NEGR1: variants seen among roughly 807,000 people sequenced by gnomAD.
NEGR1 encodes neuronal growth regulator 1.
In NEGR1, 10 loss-of-function variants were observed where a neutral mutation model predicts 40.9. The ratio of observed to expected loss-of-function variants is 0.24; its 90% confidence interval spans 0.15 to 0.42. The LOEUF (loss-of-function observed/expected upper bound fraction) is 0.42, where lower values mean the gene tolerates loss of function less well. Ranked by LOEUF, NEGR1 falls within the 10% of genes least tolerant of loss-of-function variation. The pLI, the probability that NEGR1 is intolerant of heterozygous loss-of-function variation, is 1.00. For missense variants in NEGR1, 352 were observed against 438.9 expected (o/e 0.80, Z 1.77); for synonymous variants, 185 against 166.8 (o/e 1.11, Z -0.84).
chr1:71,554,649 C>T (rs796274771), intron 6 of NEGR1, among the ~76,000 whole-genome samples: 8 of 151,632 alleles, frequency 5.3e-5, no homozygotes, highest in African/African-American at 1.9e-4. Flanking sequence ...AGGATGTCTT[C>T]ACAGAACCTA....
chr1:71,968,982 C>T (rs1646233916), intron 1 of NEGR1, among the ~76,000 whole-genome samples: 3 of 152,066 alleles, frequency 2.0e-5, no homozygotes, highest in African/African-American at 7.2e-5. Context: ...GTGAGGGCTG[C>T]AGCTCAACCC....
intron 6 of NEGR1, among the ~76,000 whole-genome samples, chr1:71,587,093 A>C (rs984671273): frequency 2.6e-4 from 40 of 152,096 alleles, no homozygotes; most frequent in Admixed American, 2.5e-3. Flanking sequence ...AGGAGAGATA[A>C]ATTTCTATCT....
At chr1:72,211,100 T>A (rs1653589216) in intron 1 of NEGR1, among the ~76,000 whole-genome samples, 1 of 151,896 alleles carries the variant, frequency 6.6e-6, no homozygotes, top group African/African-American at 2.4e-5. Context: ...GAAAAAGCTA[T>A]TGACATGCTC....
intron 1 of NEGR1, among the ~76,000 whole-genome samples, chr1:72,159,798 A>T (rs1301637100): frequency 6.6e-6 from 1 of 152,152 alleles, no homozygotes; most frequent in African/African-American, 2.4e-5. Flanking sequence ...AAATGCACAA[A>T]TCTTATGTAT....
In NEGR1 at chr1:71,850,133, CTTTTTTTGTTTGTTTG is replaced by C. The variant is rs1456323422; in HGVS notation, c.410-73852_410-73837del. Among the ~76,000 whole-genome samples the C allele has an allele frequency of 3.0e-3, 455 of 149,506 alleles. 4 individuals carry two copies. The highest frequency in any genetic ancestry group is 9.9e-3 in the African/African-American group (403 of 40,764). Reference sequence around the variant, plus strand: ...GTTAAGAACATTTATAATCTACTGTCTTTTTTTGTTTGTTTGTTTGTTTGTTTGTTTGTTTGTTTTG... The same window carrying C: ...GTTAAGAACATTTATAATCTACTGTCTTTGTTTGTTTGTTTGTTTGTTTTG... On this transcript the variant is annotated intron_variant, in intron 2 of 6. Coordinates refer to ENST00000357731, the MANE Select transcript of NEGR1 (RefSeq NM_173808.3).
chr1:71,711,341 CAAAAAAAA>C (rs59376519), intron 3 of NEGR1, among the ~76,000 whole-genome samples: 1 of 58,704 alleles, frequency 1.7e-5, no homozygotes, highest in African/African-American at 7.0e-5. Context: ...GAGATTCCAC[CAAAAAAAA>C]AAAAAAAAAA....
At chr1:71,860,625 C>CA (rs764645946) in intron 2 of NEGR1, among the ~76,000 whole-genome samples, 15 of 149,544 alleles carry the variant, frequency 1.0e-4, no homozygotes, top group Admixed American at 2.7e-4. Context: ...ATTTACTGTG[C>CA]AAAAAAAAAG....
intron 1 of NEGR1, among the ~76,000 whole-genome samples, chr1:72,231,472 T>C (rs945367548): frequency 5.3e-5 from 8 of 152,154 alleles, no homozygotes; most frequent in Non-Finnish European, 1.2e-4. Flanking sequence ...AGTACCTATC[T>C]CAGAATTGCT....
chr1:71,742,890 C>T (rs1021134888), intron 3 of NEGR1, among the ~76,000 whole-genome samples: 2 of 152,094 alleles, frequency 1.3e-5, no homozygotes, highest in African/African-American at 4.8e-5. Context: ...TGTGTTCCCC[C>T]AAAATTCAGA....
intron 1 of NEGR1, among the ~76,000 whole-genome samples, chr1:72,208,493 AT>A (rs1051590159): frequency 2.1e-4 from 32 of 149,318 alleles, no homozygotes; most frequent in Admixed American, 1.3e-3. Context: ...TTCCCGTATA[AT>A]TTTTTTTTTA....
chr1:71,661,114 G>C (rs6424439), intron 4 of NEGR1, among the ~76,000 whole-genome samples: 1 of 151,668 alleles, frequency 6.6e-6, no homozygotes, highest in Non-Finnish European at 1.5e-5. Context: ...TGAGCATTAC[G>C]GTCGGTTCCA....
chr1:71,421,872 C>A (rs1251435487), intron 6 of NEGR1, among the ~76,000 whole-genome samples: 1 of 149,968 alleles, frequency 6.7e-6, no homozygotes, highest in Non-Finnish European at 1.5e-5. Flanking sequence ...TCTGCCTTCA[C>A]CAAAGAGAGA....
chr1:71,712,667 TC>T (rs1192968553), intron 3 of NEGR1, among the ~76,000 whole-genome samples: 2 of 152,218 alleles, frequency 1.3e-5, no homozygotes, highest in African/African-American at 4.8e-5. Context: ...AATTTTCTTT[TC>T]AGAATATGTC....
intron 1 of NEGR1, among the ~76,000 whole-genome samples, chr1:72,069,932 A>G (rs1454684282): frequency 6.6e-6 from 1 of 152,120 alleles, no homozygotes; most frequent in Non-Finnish European, 1.5e-5. Flanking sequence ...AATTTCAAGT[A>G]TATCTATCTG....
intron 6 of NEGR1, among the ~76,000 whole-genome samples, chr1:71,414,380 CT>C (rs1184136889): frequency 6.6e-6 from 1 of 152,122 alleles, no homozygotes; most frequent in Non-Finnish European, 1.5e-5. Flanking sequence ...TTACACTTCC[CT>C]TTTTTGTATC....
At chr1:71,693,169 A>G (rs895486799) in intron 4 of NEGR1, among the ~76,000 whole-genome samples, 12 of 151,756 alleles carry the variant, frequency 7.9e-5, no homozygotes, top group African/African-American at 2.9e-4. Flanking sequence ...TCTGAGTAAA[A>G]ACAGTATGCA....
intron 5 of NEGR1, among the ~76,000 whole-genome samples, chr1:71,596,044 CAA>C (rs148493700): frequency 0.28 from 36,484 of 132,378 alleles, 5,525 homozygotes; most frequent in East Asian, 0.53. Context: ...CTCCCTGCCA[CAA>C]AAAAAAAAAA....
At chr1:71,801,456 G>T (rs1657555331) in intron 2 of NEGR1, among the ~76,000 whole-genome samples, 1 of 152,118 alleles carries the variant, frequency 6.6e-6, no homozygotes, top group South Asian at 2.1e-4. Context: ...ATCTTCACAT[G>T]GTTGTCTAGT....
chr1:71,750,244 C>G (rs866561129), intron 3 of NEGR1, among the ~76,000 whole-genome samples: 6 of 152,126 alleles, frequency 3.9e-5, no homozygotes, highest in Admixed American at 3.9e-4. Flanking sequence ...CCACCCGCCT[C>G]GGCCTCCCAA....
Sources: allele counts gnomAD v4.1 joint callset (sites outside exome capture counted in the v4.1 genomes callset), GRCh38; gene constraint gnomAD v4.1.1; transcripts MANE v1.5; gene names NCBI Gene and HGNC (gene_info 2026-07-23, HGNC 2026-07-21).